Variants in OSM observed in about 807,000 individuals in gnomAD.
OSM encodes oncostatin M.
A neutral mutation model predicts 6.3 loss-of-function variants in OSM; 1 was observed. The ratio of observed to expected loss-of-function variants is 0.16; its 90% confidence interval spans 0.06 to 0.76. The LOEUF (loss-of-function observed/expected upper bound fraction) is 0.76, where lower values mean the gene tolerates loss of function less well. Ranked by LOEUF, OSM falls within the 30% of genes least tolerant of loss-of-function variation. The pLI, the probability that OSM is intolerant of heterozygous loss-of-function variation, is 0.77. For synonymous variants in OSM, 135 were observed against 143.4 expected, an observed-to-expected ratio of 0.94 and a Z score of 0.42; for missense variants, 324 against 336.9, an observed-to-expected ratio of 0.96 and a Z score of 0.30.
chr22:30,266,849 G>A lies in OSM; in HGVS notation c.-50C>T. On this transcript the variant is annotated 5_prime_UTR_variant, in exon 1 of 3. Transcript: ENST00000215781. This position sits in a 1 kb window ranked among gnomAD's most constrained non-coding sequence, Gnocchi z 5.0. ...CGCCCGCTGGGGGTGACACCTCTCG[G>A]CTGGGAGCCCTGCAGGCTGGCAGCC... The A allele has an allele frequency of 6.3e-7, 1 of 1,599,698 alleles. No homozygotes were observed. Among genetic ancestry groups the A allele is most frequent in the Non-Finnish European group, 8.5e-7 (1 of 1,172,060 alleles).
In OSM at chr22:30,263,525, G is replaced by A; in HGVS notation, c.*358C>T. 3.8e-6 allele frequency: 1 copy of A among 265,746 alleles called. No homozygotes were observed. The highest frequency in any genetic ancestry group is 7.1e-6 in the Non-Finnish European group (1 of 141,444). 16.5% of individuals were successfully genotyped at this position (265,746 alleles called of 1,614,324 possible). A position where few individuals can be genotyped will look rare whatever the true frequency, so the allele number is the denominator to read the frequency against. Reference sequence around the variant, plus strand: ...GGGGCAACGGCCCTGCAAGTCATGAGAGGGAAGGACCGGCAGGCCTCGGGG... The same window carrying A: ...GGGGCAACGGCCCTGCAAGTCATGAAAGGGAAGGACCGGCAGGCCTCGGGG... On this transcript the variant is annotated 3_prime_UTR_variant, in exon 3 of 3. Transcript: ENST00000215781.
chr22:30,264,022 C>A lies in OSM; in HGVS notation c.620G>T (p.Arg207Leu). Residue 207 changes from arginine to leucine, a missense_variant, in exon 3 of 3, where the codon CGG becomes CTG. Arg to Leu is a moderately radical substitution (Grantham distance 102). Coordinates refer to ENST00000215781, the MANE Select transcript of OSM (RefSeq NM_020530.6). The part of the protein sequence containing the change: ...GYHRFMHSVG[R>L]VFSKWGESPN... ...GCTCTCCCCCCACTTGCTGAAGACC[C>A]GCCCCACTGAGTGCATGAAGCGATG... 1 of 1,565,550 alleles carries A rather than the reference C, an allele frequency of 6.4e-7. No individual in the cohort carries two copies. The highest frequency in any genetic ancestry group is 1.7e-4 in the Middle Eastern group (1 of 5,810).
intron 1 of OSM, chr22:30,265,545 G>T: frequency 2.8e-6 from 1 of 353,434 alleles, no homozygotes; most frequent in Non-Finnish European, 4.2e-6. Context: ...ACCGGCCACT[G>T]CCCTAGGACC....
intron 1 of OSM, chr22:30,265,440 G>T: frequency 8.4e-7 from 1 of 1,191,862 alleles, no homozygotes; most frequent in Non-Finnish European, 1.1e-6. Flanking sequence ...GCAGTGCCTG[G>T]CCGGATCCCA....
intron 1 of OSM, chr22:30,265,470 T>C: frequency 9.6e-7 from 1 of 1,043,396 alleles, no homozygotes; most frequent in Non-Finnish European, 1.2e-6. Context: ...ACAGCACGGT[T>C]CTAACCTCGG....
chr22:30,266,672 A>C lies in OSM; in HGVS notation c.34+94T>G. Reference sequence around the variant, plus strand: ...CTTCTGCCTGGCGCCTGGCCTCCCCAGTTCCCGGAGGGCAGAGGGTGCCTC... The same window carrying C: ...CTTCTGCCTGGCGCCTGGCCTCCCCCGTTCCCGGAGGGCAGAGGGTGCCTC... On this transcript the variant is annotated intron_variant, in intron 1 of 2. Coordinates refer to ENST00000215781, the MANE Select transcript of OSM (RefSeq NM_020530.6). This position sits in a 1 kb window ranked among gnomAD's most constrained non-coding sequence, Gnocchi z 5.0. 1 of 1,423,450 alleles carries C rather than the reference A, an allele frequency of 7.0e-7. No individual in the cohort carries two copies. Among genetic ancestry groups the C allele is most frequent in the Non-Finnish European group, 9.8e-7 (1 of 1,016,440 alleles). The allele number at this position is 1,423,450 out of a possible 1,614,324, so 88.2% of individuals were successfully genotyped here.
Position 30,265,162 on chromosome 22 carries a change from G to C in OSM, c.35-18C>G, listed in dbSNP as rs1291133130. 6.3e-7 allele frequency: 1 copy of C among 1,599,882 alleles called. No individual in the cohort carries two copies. The highest frequency in any genetic ancestry group is 1.7e-5 in the Admixed American group (1 of 59,574). On this transcript the variant is annotated intron_variant, in intron 1 of 2. Coordinates refer to ENST00000215781, the MANE Select transcript of OSM (RefSeq NM_020530.6). ...GACCAGACCTAAGGCAGAGAAGAGG[G>C]GTGTCACCTGACTTGGTGAGGAAAG...
chr22:30,264,811 C>T (rs1218606073), intron 2 of OSM, among the ~76,000 whole-genome samples, 191 bp downstream of exon 2: 2 of 152,204 alleles, frequency 1.3e-5, no homozygotes, highest in Non-Finnish European at 2.9e-5. Context: ...AGTCCCGCCC[C>T]GGGACCACAG....
rs1929388869 is a variant in OSM, at chr22:30,266,221, C to T, written c.34+545G>A. Reference sequence around the variant, plus strand: ...GCGTGAGGGAGACCTGTTCCGTTCACCATGGGGACTCTGGTCTGCATGTGG... The same window carrying T: ...GCGTGAGGGAGACCTGTTCCGTTCATCATGGGGACTCTGGTCTGCATGTGG... On this transcript the variant is annotated intron_variant, in intron 1 of 2. Coordinates refer to ENST00000215781, the MANE Select transcript of OSM (RefSeq NM_020530.6). This position sits in a 1 kb window ranked among gnomAD's most constrained non-coding sequence, Gnocchi z 5.0. Among the ~76,000 whole-genome samples the T allele has an allele frequency of 6.6e-6, 1 of 152,184 alleles. No individual in the cohort carries two copies. The highest frequency in any genetic ancestry group is 2.4e-5 in the African/African-American group (1 of 41,448).
chr22:30,263,721 G>A lies in OSM; in HGVS notation c.*162C>T. ...TGACTCTGTCTCCCAGCCTGGAGGA[G>A]GTAGAGGGGTCTGCCCAGCTCCCAC... On this transcript the variant is annotated 3_prime_UTR_variant, in exon 3 of 3. Transcript: ENST00000215781. 2.0e-6 allele frequency: 1 copy of A among 498,504 alleles called. No homozygotes were observed. Among genetic ancestry groups the A allele is most frequent in the Non-Finnish European group, 3.4e-6 (1 of 291,278 alleles). The allele number at this position is 498,504 out of a possible 1,614,324, so 30.9% of individuals were successfully genotyped here. A position where few individuals can be genotyped will look rare whatever the true frequency, so the allele number is the denominator to read the frequency against.
In OSM at chr22:30,262,944, A is replaced by T. The variant is rs200950544; in HGVS notation, c.*939T>A. On this transcript the variant is annotated 3_prime_UTR_variant, in exon 3 of 3. Coordinates refer to ENST00000215781, the MANE Select transcript of OSM (RefSeq NM_020530.6). Reference sequence around the variant, plus strand: ...AAAAATTGATAAAAATCGATAAATTAGTCATGTCCCTCCAAGGAACTGGCC... The same window carrying T: ...AAAAATTGATAAAAATCGATAAATTTGTCATGTCCCTCCAAGGAACTGGCC... The T allele has an allele frequency of 6.5e-6, 1 of 152,822 alleles. No individual in the cohort carries two copies. Among genetic ancestry groups the T allele is most frequent in the Non-Finnish European group, 1.5e-5 (1 of 68,044 alleles). The allele number at this position is 152,822 out of a possible 1,614,324, so 9.5% of individuals were successfully genotyped here. A position where few individuals can be genotyped will look rare whatever the true frequency, so the allele number is the denominator to read the frequency against.
chr22:30,266,225 G>A lies in OSM; in HGVS notation c.34+541C>T, dbSNP rs1929389031. On this transcript the variant is annotated intron_variant, in intron 1 of 2. Transcript: ENST00000215781. The surrounding 1 kb of genome is among the most constrained non-coding windows in gnomAD (Gnocchi z 5.0). ...GAGGGAGACCTGTTCCGTTCACCATGGGGACTCTGGTCTGCATGTGGGGGT... is the reference window on the plus strand; with the variant it reads ...GAGGGAGACCTGTTCCGTTCACCATAGGGACTCTGGTCTGCATGTGGGGGT... Among the ~76,000 whole-genome samples, 2 of 152,202 alleles carry A rather than the reference G, an allele frequency of 1.3e-5. No individual in the cohort carries two copies. Among genetic ancestry groups the A allele is most frequent in the Non-Finnish European group, 2.9e-5 (2 of 68,018 alleles).
rs1929399359 is a variant in OSM at position 30,266,693 on chromosome 22, G to A, written c.34+73C>T. The A allele has an allele frequency of 6.5e-7, 1 of 1,538,070 alleles. No homozygotes were observed. The highest frequency in any genetic ancestry group is 1.4e-5 in the African/African-American group (1 of 73,454). ...CCCCAGTTCCCGGAGGGCAGAGGGT[G>A]CCTCTGCTCCCCACCGGCACCCGTG... On this transcript the variant is annotated intron_variant, in intron 1 of 2. Transcript: ENST00000215781. The surrounding 1 kb of genome is among the most constrained non-coding windows in gnomAD (Gnocchi z 5.0).
rs1601652727 is a variant in OSM, at chr22:30,263,561, G to C, written c.*322C>G. 2 of 325,346 alleles carry C rather than the reference G, an allele frequency of 6.1e-6. No individual in the cohort carries two copies. Among genetic ancestry groups the C allele is most frequent in the Non-Finnish European group, 1.1e-5 (2 of 178,930 alleles). 20.2% of individuals were successfully genotyped at this position (325,346 alleles called of 1,614,324 possible). On this transcript the variant is annotated 3_prime_UTR_variant, in exon 3 of 3. Coordinates refer to ENST00000215781, the MANE Select transcript of OSM (RefSeq NM_020530.6). ...CGGCAGGCCTCGGGGAGCAAGGCAG[G>C]GGGGCAGTCAGCCCGGCCATGAGTC...
rs764118264 is a variant in OSM at position 30,265,107 on chromosome 22, G to T, written c.72C>A (p.Ser24Arg). 3 of 1,614,148 alleles carry T rather than the reference G, an allele frequency of 1.9e-6. No homozygotes were observed. Among genetic ancestry groups the T allele is most frequent in the East Asian group, 4.5e-5 (2 of 44,886 alleles). The change falls in exon 2 of 3, where the codon AGC (serine) becomes AGA (arginine). Residue 24 changes from serine to arginine, a missense_variant. Physicochemically the swap from Ser to Arg is moderately radical, Grantham distance 110. Transcript: ENST00000215781. ...VLALLFPSMA[S>R]MAAIGSCSKE... ...TCGAGCAGCTGCCTATAGCCGCCAT[G>T]CTCGCCATGCTTGGAAACAGGAGTG...
At chr22:30,264,807 G>C (rs533937134) in intron 2 of OSM, among the ~76,000 whole-genome samples, 195 bp downstream of exon 2, 15 of 152,164 alleles carry the variant, frequency 9.9e-5, no homozygotes, top group African/African-American at 3.1e-4. Flanking sequence ...CCGGAGTCCC[G>C]CCCCGGGACC....
In OSM at chr22:30,266,698, T is replaced by C; in HGVS notation, c.34+68A>G. On this transcript the variant is annotated intron_variant, in intron 1 of 2. Transcript: ENST00000215781. The surrounding 1 kb of genome is among the most constrained non-coding windows in gnomAD (Gnocchi z 5.0). ...GTTCCCGGAGGGCAGAGGGTGCCTC[T>C]GCTCCCCACCGGCACCCGTGGGCAG... 2.5e-6 allele frequency: 4 copies of C among 1,578,228 alleles called. No homozygotes were observed. Among genetic ancestry groups the C allele is most frequent in the Non-Finnish European group, 3.5e-6 (4 of 1,150,612 alleles).
chr22:30,264,608 G>A, intron 2 of OSM, 144 bp from the exon 3 acceptor site: 1 of 738,018 alleles, frequency 1.4e-6, no homozygotes, highest in Non-Finnish European at 2.2e-6. Flanking sequence ...CGAGAGGGAA[G>A]AGGACCCCAA....
chr22:30,266,439 G>A lies in OSM; in HGVS notation c.34+327C>T, dbSNP rs1384131423. 6.6e-6 allele frequency among the ~76,000 whole-genome samples: 1 copy of A among 152,036 alleles called. No individual in the cohort carries two copies. Among genetic ancestry groups the A allele is most frequent in the Non-Finnish European group, 1.5e-5 (1 of 67,972 alleles). On this transcript the variant is annotated intron_variant, in intron 1 of 2. Transcript: ENST00000215781. The surrounding 1 kb of genome is among the most constrained non-coding windows in gnomAD (Gnocchi z 5.0). ...CCTCCACACCTCACACCACTTCCCT[G>A]CCCAGCTTCTGAGCCTCCCTCTCCT...
Sources: allele counts gnomAD v4.1 joint callset (sites outside exome capture counted in the v4.1 genomes callset), GRCh38; gene constraint gnomAD v4.1.1; non-coding constraint Gnocchi (gnomAD v3.1); transcripts MANE v1.5; gene names NCBI Gene and HGNC (gene_info 2026-07-23, HGNC 2026-07-21).